The following APLF variants were observed in gnomAD, a reference collection of about 807,000 sequenced individuals.
The protein encoded by APLF is aprataxin and PNKP like factor.
A neutral mutation model predicts 55.6 loss-of-function variants in APLF; 61 were observed. That is an observed-to-expected ratio of 1.10 (90% CI 0.89 to 1.36). The LOEUF is 1.36. APLF is among the 40% of genes most tolerant of loss of function. The pLI, the probability that APLF is intolerant of heterozygous loss-of-function variation, is 0.00. For synonymous variants in APLF, 207 were observed against 214.8 expected (o/e 0.96, Z 0.32); for missense variants, 611 against 602.5 (o/e 1.01, Z -0.15).
Position 68,467,806 on chromosome 2 carries a change from CG to C in APLF, c.77del (p.Gly26AlafsTer8). The C allele has an allele frequency of 8.1e-7, 1 of 1,233,664 alleles. No individual in the cohort carries two copies. 76.4% of individuals were successfully genotyped at this position (1,233,664 alleles called of 1,614,324 possible). A position where few individuals can be genotyped will look rare whatever the true frequency, so the allele number is the denominator to read the frequency against. On this transcript the variant is annotated frameshift_variant, in exon 1 of 10. Coordinates refer to ENST00000303795, the MANE Select transcript of APLF (RefSeq NM_173545.3). LOFTEE classifies it high-confidence loss of function. The part of the protein sequence containing the change: ...VALAPGETVI[G>X]RGPLLGITDK... ...CCCTGGCGCCCGGGGAGACGGTGAT[CG>C]GCCGCGGGCCGCTGCTGGGAGTAAG...
chr2:68,578,369 A>G lies in APLF; in HGVS notation c.*347A>G. 2 of 1,029,898 alleles carry G rather than the reference A, an allele frequency of 1.9e-6. No individual in the cohort carries two copies. Among genetic ancestry groups the G allele is most frequent in the South Asian group, 7.3e-5 (2 of 27,464 alleles). 63.8% of individuals were successfully genotyped at this position (1,029,898 alleles called of 1,614,324 possible). A position where few individuals can be genotyped will look rare whatever the true frequency, so the allele number is the denominator to read the frequency against. On this transcript the variant is annotated 3_prime_UTR_variant, in exon 10 of 10. Coordinates refer to ENST00000303795, the MANE Select transcript of APLF (RefSeq NM_173545.3). ...GGTCTTTTTAAATTTTTTTCCAAAG[A>G]TTATGGAGTACTCTGCAAGTATAAC...
chr2:68,473,303 TA>T (rs1403815329), intron 1 of APLF, among the ~76,000 whole-genome samples: 1 of 152,242 alleles, frequency 6.6e-6, no homozygotes, highest in African/African-American at 2.4e-5. Context: ...TTTCACTTAG[TA>T]ATATGTATTT....
chr2:68,482,142 G>A (rs1051482881), intron 1 of APLF, among the ~76,000 whole-genome samples: 1 of 149,258 alleles, frequency 6.7e-6, no homozygotes, highest in African/African-American at 2.5e-5. Context: ...GTGTTCCTTT[G>A]GGGTTGTTAT....
At chr2:68,567,054 T>C (rs1041182614) in intron 8 of APLF, among the ~76,000 whole-genome samples, 11 of 152,230 alleles carry the variant, frequency 7.2e-5, no homozygotes, top group South Asian at 6.2e-4. Context: ...TTTAAAAATA[T>C]GATATATTAT....
intron 6 of APLF, among the ~76,000 whole-genome samples, chr2:68,535,016 A>G (rs899155828): frequency 6.6e-6 from 1 of 152,216 alleles, no homozygotes; most frequent in Non-Finnish European, 1.5e-5. Flanking sequence ...ATGGAGTTCC[A>G]TAAAGAGCAT....
intron 5 of APLF, among the ~76,000 whole-genome samples, chr2:68,518,832 A>G (rs1388093760): frequency 1.6e-5 from 2 of 126,402 alleles, no homozygotes; most frequent in Non-Finnish European, 3.1e-5. Context: ...GTAATATATC[A>G]TTAATATGTA....
chr2:68,518,191 A>G (rs1016565391), intron 5 of APLF, among the ~76,000 whole-genome samples: 17 of 123,058 alleles, frequency 1.4e-4, no homozygotes, highest in African/African-American at 4.7e-4. Flanking sequence ...ATCAATATAT[A>G]TTACTAATAT....
At chr2:68,544,419 C>T (rs1475235250) in intron 7 of APLF, among the ~76,000 whole-genome samples, 2 of 152,074 alleles carry the variant, frequency 1.3e-5, no homozygotes, top group African/African-American at 4.8e-5. Context: ...CAGAAGCAGG[C>T]ATGAGAAGCC....
chr2:68,545,950 G>A (rs1031722505), intron 8 of APLF, among the ~76,000 whole-genome samples: 1 of 149,568 alleles, frequency 6.7e-6, no homozygotes, highest in Non-Finnish European at 1.5e-5. Flanking sequence ...AAAGAAAAAA[G>A]TAGTGATTTC....
Position 68,528,527 on chromosome 2 carries a change from G to A in APLF, c.804+2285G>A. The A allele has an allele frequency of 5.2e-6, 8 of 1,533,954 alleles. No individual in the cohort carries two copies. In the South Asian group the frequency reaches 8.3e-5, roughly 16 times the overall value. ...CCTGTGGCCGGCAGCTCTGGGTGGA[G>A]AAGACCTACTTGATCCAAGAGCTGC... On this transcript the variant is annotated intron_variant, in intron 6 of 9. Coordinates refer to ENST00000303795, the MANE Select transcript of APLF (RefSeq NM_173545.3).
intron 3 of APLF, among the ~76,000 whole-genome samples, chr2:68,508,242 C>T (rs1204966725): frequency 2.6e-5 from 4 of 151,816 alleles, no homozygotes; most frequent in Non-Finnish European, 4.4e-5. Context: ...GTAATCAGGA[C>T]AGTCCTGGTG....
chr2:68,569,138 A>G (rs907249085), intron 9 of APLF, among the ~76,000 whole-genome samples: 2 of 152,116 alleles, frequency 1.3e-5, no homozygotes, highest in East Asian at 3.9e-4. Context: ...ATTTACTCAC[A>G]CATTCACATA....
At chr2:68,558,833 G>A (rs541056209) in intron 8 of APLF, among the ~76,000 whole-genome samples, 1 of 152,200 alleles carries the variant, frequency 6.6e-6, no homozygotes, top group South Asian at 2.1e-4. Context: ...CCCAGTGTGT[G>A]TTGTTCCCCC....
intron 9 of APLF, among the ~76,000 whole-genome samples, chr2:68,576,235 A>C (rs1441667877): frequency 6.6e-6 from 1 of 152,172 alleles, no homozygotes; most frequent in Non-Finnish European, 1.5e-5. Flanking sequence ...AATAGACAAA[A>C]ATAGAGATAT....
At chr2:68,527,820 C>T (rs1396084405) in intron 6 of APLF, among the ~76,000 whole-genome samples, 3 of 139,696 alleles carry the variant, frequency 2.1e-5, no homozygotes, top group Middle Eastern at 4.9e-3. Flanking sequence ...CCAGATGGTG[C>T]GGTGGCCAGG....
chr2:68,497,474 A>G (rs1302969401), intron 2 of APLF, among the ~76,000 whole-genome samples: 8 of 151,786 alleles, frequency 5.3e-5, no homozygotes, highest in Non-Finnish European at 8.8e-5. Context: ...CTCCAGCAAT[A>G]TAGGATTTGC....
At chr2:68,501,404 G>A (rs747925709) in intron 2 of APLF, among the ~76,000 whole-genome samples, 7 of 151,422 alleles carry the variant, frequency 4.6e-5, no homozygotes, top group Admixed American at 1.3e-4. Context: ...ATAGAGATCG[G>A]TGCTCTCTAT....
chr2:68,501,959 G>A (rs999961049), intron 2 of APLF, among the ~76,000 whole-genome samples: 2 of 152,126 alleles, frequency 1.3e-5, no homozygotes, highest in Non-Finnish European at 2.9e-5. Flanking sequence ...TGCTGGGGCC[G>A]CATCTGGTGA....
chr2:68,480,836 A>G (rs548434284), intron 1 of APLF, among the ~76,000 whole-genome samples: 10 of 152,242 alleles, frequency 6.6e-5, no homozygotes, highest in African/African-American at 2.4e-4. Flanking sequence ...ATGCTGAATT[A>G]TATCAAATAT....
Sources: allele counts gnomAD v4.1 joint callset (sites outside exome capture counted in the v4.1 genomes callset), GRCh38; gene constraint gnomAD v4.1.1; transcripts MANE v1.5; gene names NCBI Gene and HGNC (gene_info 2026-07-23, HGNC 2026-07-21).